The following LSAMP variants were observed in gnomAD, a reference collection of about 807,000 sequenced individuals.
The protein encoded by LSAMP is limbic system associated membrane protein, also known as limbic system-associated membrane protein.
Under a neutral mutation model 38.6 loss-of-function variants are expected in LSAMP, and 7 were observed. That is an observed-to-expected ratio of 0.18 (90% confidence interval 0.10 to 0.34). The LOEUF (loss-of-function observed/expected upper bound fraction) is 0.34, where lower values mean the gene tolerates loss of function less well. LSAMP is among the 10% of genes least tolerant of loss of function. LSAMP has a pLI of 1.00. For synonymous variants in LSAMP, 154 were observed against 166.8 expected, an observed-to-expected ratio of 0.92 and a Z score of 0.59; for missense variants, 313 against 420.0, an observed-to-expected ratio of 0.75 and a Z score of 2.23.
chr3:115,810,750 ACT>A (rs1264684934), intron 6 of LSAMP, among the ~76,000 whole-genome samples: 2 of 151,970 alleles, frequency 1.3e-5, no homozygotes, highest in African/African-American at 4.8e-5. Context: ...GCCCGAAGTA[ACT>A]CTCTGGGGCC....
intron 1 of LSAMP, among the ~76,000 whole-genome samples, chr3:116,209,423 C>T (rs983583875): frequency 6.6e-6 from 1 of 152,190 alleles, no homozygotes; most frequent in African/African-American, 2.4e-5. Flanking sequence ...TTGGCTCTTC[C>T]CTCAAATTTC....
rs1559822587 is a variant in LSAMP at position 116,308,409 on chromosome 3, A to C, written c.155+136468T>G. Among the ~76,000 whole-genome samples, 3 of 152,156 alleles carry C rather than the reference A, an allele frequency of 2.0e-5. No individual in the cohort carries two copies. In the East Asian group the frequency reaches 5.8e-4, roughly 29 times the overall value. ...CTTCTCTGTATCATCACAGCCTAAC[A>C]AGTGTGACAGACAATAATTGCTCAG... On this transcript the variant is annotated intron_variant, in intron 1 of 6. Coordinates refer to ENST00000490035, the MANE Select transcript of LSAMP (RefSeq NM_002338.5).
rs931976830 is a variant in LSAMP, at chr3:115,896,799, A to G, written c.515-44182T>C. ...GGTCCGCACATTGTTATCCTCAGTG[A>G]AAGGACTTTCAAATTTGAGGGAAGA... is the stretch of plus-strand genomic sequence containing the variant. On this transcript the variant is annotated intron_variant, in intron 3 of 6. Transcript: ENST00000490035. Among the ~76,000 whole-genome samples, 6 of 152,198 alleles carry G rather than the reference A, an allele frequency of 3.9e-5. No individual in the cohort carries two copies. In the South Asian group the frequency reaches 1.2e-3, roughly 32 times the overall value.
At chr3:115,962,395 T>C (rs1453469473) in intron 3 of LSAMP, among the ~76,000 whole-genome samples, 1 of 152,278 alleles carries the variant, frequency 6.6e-6, no homozygotes, top group East Asian at 1.9e-4. Context: ...TGTCTTTTAT[T>C]ATACAATTTG....
At chr3:116,411,929 C>G (rs1249959442) in intron 1 of LSAMP, among the ~76,000 whole-genome samples, 1 of 151,784 alleles carries the variant, frequency 6.6e-6, no homozygotes, top group Non-Finnish European at 1.5e-5. Flanking sequence ...AAGTTTGACC[C>G]CCATTTCTCT....
chr3:116,145,001 T>G (rs1486189370), intron 1 of LSAMP, among the ~76,000 whole-genome samples: 1 of 151,988 alleles, frequency 6.6e-6, no homozygotes, highest in Non-Finnish European at 1.5e-5. Flanking sequence ...TGATGACACA[T>G]AAACTGAATT....
At chr3:116,252,927 C>T (rs1479575387) in intron 1 of LSAMP, among the ~76,000 whole-genome samples, 2 of 152,128 alleles carry the variant, frequency 1.3e-5, no homozygotes, top group Non-Finnish European at 2.9e-5. Context: ...AGAGAGAAAC[C>T]TATTTGGTTT....
At chr3:115,865,637 T>C (rs1208823856) in intron 3 of LSAMP, among the ~76,000 whole-genome samples, 1 of 152,148 alleles carries the variant, frequency 6.6e-6, no homozygotes, top group Non-Finnish European at 1.5e-5. Flanking sequence ...TGCTAATACA[T>C]GCAGATCACT....
intron 3 of LSAMP, among the ~76,000 whole-genome samples, chr3:116,016,858 A>T (rs746188869): frequency 1.3e-5 from 2 of 152,146 alleles, no homozygotes; most frequent in Non-Finnish European, 2.9e-5. Flanking sequence ...CTTCACTTGC[A>T]GGCAGTACAT....
At chr3:115,926,661 C>T (rs1937506372) in intron 3 of LSAMP, among the ~76,000 whole-genome samples, 1 of 152,180 alleles carries the variant, frequency 6.6e-6, no homozygotes, top group Non-Finnish European at 1.5e-5. Context: ...AGACGTGCAT[C>T]AGGAGTTGAG....
At chr3:116,304,564 T>C (rs2047456828) in intron 1 of LSAMP, among the ~76,000 whole-genome samples, 2 of 152,068 alleles carry the variant, frequency 1.3e-5, no homozygotes, top group Admixed American at 1.3e-4. Context: ...GAAGCGTGGG[T>C]CAGGATGACA....
chr3:116,295,829 GAAA>G (rs2047324608), intron 1 of LSAMP, among the ~76,000 whole-genome samples: 1 of 4,096 alleles, frequency 2.4e-4, no homozygotes, highest in Non-Finnish European at 0.01. Context: ...TACCCTGTGA[GAAA>G]ACATACATAA....
intron 3 of LSAMP, among the ~76,000 whole-genome samples, chr3:115,853,775 C>T (rs1935407886): frequency 2.0e-5 from 3 of 152,126 alleles, no homozygotes; most frequent in South Asian, 2.1e-4. Context: ...TTCAAAACTC[C>T]ACTGTTACAC....
At chr3:116,228,818 C>A (rs1470016646) in intron 1 of LSAMP, among the ~76,000 whole-genome samples, 1 of 152,114 alleles carries the variant, frequency 6.6e-6, no homozygotes. Context: ...CCTCTGTACT[C>A]ATTGAGAAAC....
At chr3:116,186,376 C>T (rs1710616880) in intron 1 of LSAMP, among the ~76,000 whole-genome samples, 1 of 152,094 alleles carries the variant, frequency 6.6e-6, no homozygotes, top group Non-Finnish European at 1.5e-5. Flanking sequence ...GCATTTGGAT[C>T]TTGGCTTGAT....
intron 1 of LSAMP, among the ~76,000 whole-genome samples, chr3:116,330,056 T>TAATA (rs2047827900): frequency 2.0e-5 from 3 of 152,156 alleles, no homozygotes; most frequent in Admixed American, 1.3e-4. Flanking sequence ...AATCTTTGCA[T>TAATA]AGTGTTCAGT....
At chr3:116,389,844 TA>T (rs2048669593) in intron 1 of LSAMP, among the ~76,000 whole-genome samples, 3 of 152,052 alleles carry the variant, frequency 2.0e-5, no homozygotes, top group Admixed American at 1.3e-4. Context: ...TTTAAAATAA[TA>T]AAAAAGTAAT....
chr3:116,392,017 G>T (rs569067011), intron 1 of LSAMP, among the ~76,000 whole-genome samples: 39 of 152,308 alleles, frequency 2.6e-4, no homozygotes, highest in Non-Finnish European at 4.4e-4. Flanking sequence ...TGAGCCTGGT[G>T]ATGGGGAGCC....
chr3:116,178,492 T>C (rs1710406733), intron 1 of LSAMP, among the ~76,000 whole-genome samples: 1 of 152,130 alleles, frequency 6.6e-6, no homozygotes, highest in South Asian at 2.1e-4. Context: ...TTAAAGCAAG[T>C]ACATCAGTTA....
Sources: allele counts gnomAD v4.1 joint callset (sites outside exome capture counted in the v4.1 genomes callset), GRCh38; gene constraint gnomAD v4.1.1; transcripts MANE v1.5; gene names NCBI Gene and HGNC (gene_info 2026-07-23, HGNC 2026-07-21).